Variants in SPESP1 observed in about 807,000 individuals in gnomAD.
SPESP1 encodes equatorial segment protein.
A neutral mutation model predicts 3.1 loss-of-function variants in SPESP1; 1 was observed. The observed-to-expected ratio is 0.33, with a 90% CI of 0.12 to 1.54. The LOEUF (loss-of-function observed/expected upper bound fraction) is 1.54. Among genes scored for constraint, SPESP1 ranks in the 40% most tolerant of loss-of-function variants. SPESP1 has a pLI of 0.38. For missense variants in SPESP1, 398 were observed against 410.1 expected (o/e 0.97, Z 0.26); for synonymous variants, 138 against 150.7 (o/e 0.92, Z 0.62).
At chr15:68,939,696 G>C (rs1895769241) in intron 1 of SPESP1, 2 of 152,228 alleles carry the variant, frequency 1.3e-5, no homozygotes, top group Admixed American at 1.3e-4. Context: ...AGGAGGTAGT[G>C]CACTCTGTTG....
intron 1 of SPESP1, among the ~76,000 whole-genome samples, chr15:68,943,019 C>A (rs994641066): frequency 1.3e-5 from 2 of 151,562 alleles, no homozygotes; most frequent in African/African-American, 4.8e-5. Context: ...AGAAAAAATT[C>A]TTGAAACTTA....
In SPESP1 at chr15:68,930,715, C is replaced by T. The variant is rs374821057; in HGVS notation, c.62C>T (p.Pro21Leu). Residue 21 changes from proline to leucine, a missense_variant and splice_region_variant, in exon 1 of 2, where the codon CCG (proline) becomes CTG (leucine). Transcript: ENST00000310673. ...LLWPSSVPAYPSITVTPDEEQ... is the reference protein window; with the variant it reads ...LLWPSSVPAYLSITVTPDEEQ... The stretch of plus-strand genomic sequence containing the variant: ...TGGCCTTCGTCTGTGCCGGCTTATC[C>T]GAGTGAGTGACGGGCCTGAGGAGGC... 6.2e-7 allele frequency: 1 copy of T among 1,613,814 alleles called. No individual in the cohort carries two copies. The highest frequency in any genetic ancestry group is 8.5e-7 in the Non-Finnish European group (1 of 1,179,874).
rs537303106 is a variant in SPESP1, at chr15:68,938,772, C to A, written c.65-6827C>A. On this transcript the variant is annotated intron_variant, in intron 1 of 1. Transcript: ENST00000310673. ...AAGCACCTGCTTTGAAGTAAGGCAG[C>A]CTGTGTTCAAATCTCATCCTTACTT... 7.2e-5 allele frequency among the ~76,000 whole-genome samples: 11 copies of A among 152,210 alleles called. No homozygotes were observed. In the East Asian group the frequency reaches 2.1e-3, roughly 29 times the overall value.
rs776996146 is a variant in SPESP1 at position 68,946,420 on chromosome 15, A to C, written c.886A>C (p.Ile296Leu). Residue 296 changes from isoleucine to leucine, a missense_variant, in exon 2 of 2, where the codon ATC becomes CTC. Ile to Leu is a conservative substitution (Grantham distance 5). Transcript: ENST00000310673. ...VGRTSNKIDD[I>L]ETVINMLCNS... is the part of the protein sequence containing the mutation. ...ACGAACAAGTAATAAAATTGATGAC[A>C]TCGAAACTGTTATTAACATGCTGTG... 3.7e-6 allele frequency: 6 copies of C among 1,614,132 alleles called. No individual in the cohort carries two copies. Among genetic ancestry groups the C allele is most frequent in the Non-Finnish European group, 5.1e-6 (6 of 1,180,000 alleles).
At chr15:68,930,999 C>T (rs763325325) in intron 1 of SPESP1, among the ~76,000 whole-genome samples, 5 of 152,224 alleles carry the variant, frequency 3.3e-5, no homozygotes, top group African/African-American at 4.8e-5. Flanking sequence ...TCTGCCCACC[C>T]GATCCTTCCC....
At chr15:68,939,921 A>C (rs1895775581) in intron 1 of SPESP1, 1 of 152,238 alleles carries the variant, frequency 6.6e-6, no homozygotes, top group East Asian at 1.9e-4. Flanking sequence ...AGCAGCCTAT[A>C]ATCTAATGGC....
intron 1 of SPESP1, among the ~76,000 whole-genome samples, chr15:68,941,096 G>A (rs927554154): frequency 6.6e-6 from 1 of 151,798 alleles, no homozygotes; most frequent in African/African-American, 2.4e-5. Flanking sequence ...TATCTGATAA[G>A]GCTAGGCTTT....
At chr15:68,930,779 C>G (rs565792305) in intron 1 of SPESP1, 62 bp downstream of exon 1, 1 of 1,610,538 alleles carries the variant, frequency 6.2e-7, no homozygotes, top group East Asian at 2.2e-5. Context: ...TCCCGAGCTC[C>G]GCGACCTCGA....
rs766781881 is a variant in SPESP1 at position 68,945,980 on chromosome 15, C to T, written c.446C>T (p.Pro149Leu). The change falls in exon 2 of 2, where the codon CCG (proline) becomes CTG (leucine). Residue 149 changes from proline to leucine, a missense_variant. Transcript: ENST00000310673. ...YIENEEPEPE[P>L]EPAAKQTEAP... ...GAAAATGAAGAGCCAGAGCCAGAGC[C>T]GGAGCCAGCTGCAAAACAAACTGAG... The T allele has an allele frequency of 1.8e-5, 29 of 1,613,976 alleles. No individual in the cohort carries two copies. The highest frequency in any genetic ancestry group is 2.2e-5 in the East Asian group (1 of 44,892).
chr15:68,931,776 G>A (rs899061952), intron 1 of SPESP1, among the ~76,000 whole-genome samples: 2 of 152,184 alleles, frequency 1.3e-5, no homozygotes, highest in African/African-American at 4.8e-5. Context: ...TAGTATTTAA[G>A]TCAGGTAGGT....
At chr15:68,930,757 C>T in intron 1 of SPESP1, 40 bp downstream of exon 1, 1 of 1,613,092 alleles carries the variant, frequency 6.2e-7, no homozygotes, top group Non-Finnish European at 8.5e-7. Context: ...CCGGGGACAC[C>T]CTGGGGGAAC....
At chr15:68,937,622 C>T (rs527883151) in intron 1 of SPESP1, among the ~76,000 whole-genome samples, 18 of 152,254 alleles carry the variant, frequency 1.2e-4, no homozygotes, top group Non-Finnish European at 2.2e-4. Flanking sequence ...CCTCACCCCC[C>T]ACCCACCAAC....
In SPESP1 at chr15:68,939,475, C is replaced by G. The variant is rs373845003; in HGVS notation, c.65-6124C>G. 3.9e-5 allele frequency among the ~76,000 whole-genome samples: 6 copies of G among 152,338 alleles called. No homozygotes were observed. In the East Asian group the frequency reaches 1.2e-3, roughly 29 times the overall value. The stretch of plus-strand genomic sequence containing the variant: ...GTAGGGACAGTTGAGGCTCCACTAT[C>G]TTTTACTACCTTGACCTACAAACAT... On this transcript the variant is annotated intron_variant, in intron 1 of 1. Coordinates refer to ENST00000310673, the MANE Select transcript of SPESP1 (RefSeq NM_145658.4).
intron 1 of SPESP1, among the ~76,000 whole-genome samples, chr15:68,942,505 C>T (rs1326256398): frequency 1.3e-5 from 2 of 152,076 alleles, no homozygotes; most frequent in African/African-American, 4.8e-5. Flanking sequence ...GTATTCTTAT[C>T]TTGTTCCTGT....
intron 1 of SPESP1, among the ~76,000 whole-genome samples, chr15:68,934,771 T>C (rs903980759): frequency 6.6e-6 from 1 of 152,236 alleles, no homozygotes; most frequent in South Asian, 2.1e-4. Flanking sequence ...ATTTTCTTTT[T>C]TTTTTAGTAT....
chr15:68,930,830 C>G (rs1391847893), intron 1 of SPESP1, 113 bp downstream of exon 1: 9 of 1,520,352 alleles, frequency 5.9e-6, no homozygotes, highest in Non-Finnish European at 7.2e-6. Context: ...ATGCCTCCCT[C>G]CCCCACTGTC....
rs564952501 is a variant in SPESP1, at chr15:68,931,436, G to A, written c.64+719G>A. 2.0e-5 allele frequency among the ~76,000 whole-genome samples: 3 copies of A among 152,152 alleles called. No individual in the cohort carries two copies. In the South Asian group the frequency reaches 6.2e-4, roughly 32 times the overall value. On this transcript the variant is annotated intron_variant, in intron 1 of 1. Transcript: ENST00000310673. ...GGCTGCTTTCCCACGTTAGAACAAC[G>A]GGGTTAAGTGGTTGCCACACAGTCT... is the stretch of plus-strand genomic sequence containing the variant.
At position 68,945,807 on chromosome 15, in the gene SPESP1, C is replaced by T; in HGVS notation, c.273C>T (p.Thr91=). Residue 91 remains threonine, a synonymous_variant, in exon 2 of 2, where the codon ACC becomes ACT. Coordinates refer to ENST00000310673, the MANE Select transcript of SPESP1 (RefSeq NM_145658.4). ...CTTCAACTGAGAATGATGTTTTAAC[C>T]AATCCTATCAGTGAAGAAACTACAA... ...GDASTENDVL[T]NPISEETTTF... 1 of 1,613,974 alleles carries T rather than the reference C, an allele frequency of 6.2e-7. No individual in the cohort carries two copies. The highest frequency in any genetic ancestry group is 1.3e-5 in the African/African-American group (1 of 75,000).
intron 1 of SPESP1, among the ~76,000 whole-genome samples, chr15:68,933,516 G>A (rs1416141918): frequency 2.0e-5 from 3 of 151,620 alleles, no homozygotes; most frequent in Admixed American, 1.3e-4. Context: ...TATTTGCACT[G>A]TGCAACTTAC....
Sources: gnomAD v4.1 joint callset for allele counts (sites outside exome capture counted in the v4.1 genomes callset) on GRCh38, gnomAD v4.1.1 for gene constraint, MANE v1.5 for transcripts, NCBI Gene and HGNC (gene_info 2026-07-23, HGNC 2026-07-21) for gene names.